Variants in CSMD1 observed in about 807,000 individuals in gnomAD.
CSMD1 encodes the protein CUB and sushi domain-containing protein 1.
Under a neutral mutation model 417.5 loss-of-function variants are expected in CSMD1, and 213 were observed. The observed-to-expected ratio is 0.51, with a 90% CI of 0.46 to 0.57. The LOEUF is 0.57. Ranked by LOEUF, CSMD1 falls within the 20% of genes least tolerant of loss-of-function variation. The pLI, the probability that CSMD1 is intolerant of heterozygous loss-of-function variation, is 0.00. For missense variants in CSMD1, 6,923 were observed against 4,529.7 expected, an observed-to-expected ratio of 1.53 and a Z score of -15.17; for synonymous variants, 2,862 against 1,736.8, an observed-to-expected ratio of 1.65 and a Z score of -16.11.
At position 3,860,162 on chromosome 8, in the gene CSMD1, A is replaced by T. The variant is rs568510551; in HGVS notation, c.819-106120T>A. Among the ~76,000 whole-genome samples the T allele has an allele frequency of 1.1e-4, 17 of 152,240 alleles. No homozygotes were observed. In the East Asian group the frequency reaches 3.1e-3, roughly 28 times the overall value. On this transcript the variant is annotated intron_variant, in intron 5 of 69. Coordinates refer to ENST00000635120, the MANE Select transcript of CSMD1 (RefSeq NM_033225.6). Reference sequence around the variant, plus strand: ...CTAATACATATTAACCCCTCATTTGATAGAGCAGGCAGTAGAAAGTTTGAG... The same window carrying T: ...CTAATACATATTAACCCCTCATTTGTTAGAGCAGGCAGTAGAAAGTTTGAG...
chr8:3,708,547 T>C lies in CSMD1; in HGVS notation c.932-56A>G. The C allele has an allele frequency of 2.7e-6, 4 of 1,463,198 alleles. No homozygotes were observed. The South Asian group carries it at 4.6e-5, about 17-fold the overall frequency. 90.6% of individuals were successfully genotyped at this position (1,463,198 alleles called of 1,614,324 possible). The stretch of plus-strand genomic sequence containing the variant: ...GTAAGACTTGGAGATCATAAAACCA[T>C]GTTGTATCCACACAGCACTTCCAGT... On this transcript the variant is annotated intron_variant, in intron 6 of 69. Coordinates refer to ENST00000635120, the MANE Select transcript of CSMD1 (RefSeq NM_033225.6).
chr8:4,199,577 G>C (rs7828679), intron 3 of CSMD1, among the ~76,000 whole-genome samples: 4,495 of 152,226 alleles, frequency 0.03, 230 homozygotes, highest in African/African-American at 0.1. Context: ...CCGGACAACA[G>C]ACAAACCAAT....
chr8:3,264,084 G>A (rs1253734325), intron 26 of CSMD1, among the ~76,000 whole-genome samples: 5 of 152,030 alleles, frequency 3.3e-5, no homozygotes, highest in East Asian at 1.9e-4. Context: ...ATTTCCCAGA[G>A]ATCCTTTTCT....
chr8:4,308,952 A>C (rs542324324), intron 3 of CSMD1, among the ~76,000 whole-genome samples: 1 of 152,170 alleles, frequency 6.6e-6, no homozygotes, highest in Non-Finnish European at 1.5e-5. Context: ...ACTCTCAAAT[A>C]CTCCCTGTAA....
intron 1 of CSMD1, among the ~76,000 whole-genome samples, chr8:4,913,319 G>A (rs1369041037): frequency 1.3e-5 from 2 of 152,142 alleles, no homozygotes; most frequent in African/African-American, 2.4e-5. Context: ...ATAATTACTT[G>A]CAATAATTGT....
rs535445112 is a variant in CSMD1, at chr8:4,639,407, G to T, written c.86-1849C>A. ...GCTCTCATAAACACACTCTGCTCAT[G>T]TACCCTGTAAATATTACTATCCTGT... On this transcript the variant is annotated intron_variant, in intron 1 of 69. Transcript: ENST00000635120. Among the ~76,000 whole-genome samples the T allele has an allele frequency of 5.3e-5, 8 of 152,184 alleles. No individual in the cohort carries two copies. In the South Asian group the frequency reaches 1.7e-3, roughly 32 times the overall value.
intron 36 of CSMD1, among the ~76,000 whole-genome samples, chr8:3,186,989 A>G (rs1821804871): frequency 6.6e-6 from 1 of 152,172 alleles, no homozygotes; most frequent in Non-Finnish European, 1.5e-5. Flanking sequence ...TGATCCGCCC[A>G]CCTCAGCCTC....
intron 7 of CSMD1, among the ~76,000 whole-genome samples, chr8:3,636,789 T>C (rs1584998210): frequency 6.6e-6 from 1 of 152,322 alleles, no homozygotes; most frequent in African/African-American, 2.4e-5. Context: ...TTCCACACTT[T>C]GAGTTTCATA....
chr8:4,787,123 T>C (rs777652426), intron 1 of CSMD1, among the ~76,000 whole-genome samples: 26 of 152,198 alleles, frequency 1.7e-4, no homozygotes, highest in Non-Finnish European at 3.7e-4. Flanking sequence ...GCTCAACTTT[T>C]AGAGGGAAAC....
intron 5 of CSMD1, among the ~76,000 whole-genome samples, chr8:3,779,218 A>T (rs553317909): frequency 6.6e-6 from 1 of 151,234 alleles, no homozygotes; most frequent in South Asian, 2.1e-4. Context: ...ATAAGACAGA[A>T]CTCACTGTAT....
At chr8:3,738,844 C>T (rs139992707) in intron 6 of CSMD1, among the ~76,000 whole-genome samples, 1,561 of 152,252 alleles carry the variant, frequency 0.01, 7 homozygotes, top group African/African-American at 0.02. Context: ...CTAAAATAGG[C>T]ATCAATAAAT....
chr8:4,379,923 C>T (rs1030216534), intron 3 of CSMD1, among the ~76,000 whole-genome samples: 10 of 152,168 alleles, frequency 6.6e-5, no homozygotes, highest in African/African-American at 1.9e-4. Flanking sequence ...ACTCCATGAG[C>T]GCGGCCAGCA....
Position 3,096,911 on chromosome 8 carries a change from A to G in CSMD1, c.7076T>C (p.Ile2359Thr). The change falls in exon 47 of 70, where the codon ATT becomes ACT. Residue 2359 changes from isoleucine (I) to threonine (T), a missense_variant. By Grantham distance (89) the Ile-to-Thr change is moderately conservative (BLOSUM62 -1). Transcript: ENST00000635120. The part of the protein sequence containing the change: ...WSIKVEPNYN[I>T]TIFVDTFQSE... ...TTGAAATGTGTCCACAAAGATGGTA[A>G]TGTTGTAGTTTGGTTCCACTTTAAT... 1 of 1,557,344 alleles carries G rather than the reference A, an allele frequency of 6.4e-7. No homozygotes were observed. Among genetic ancestry groups the G allele is most frequent in the Non-Finnish European group, 8.7e-7 (1 of 1,149,264 alleles).
At chr8:4,160,201 T>C (rs993776731) in intron 3 of CSMD1, among the ~76,000 whole-genome samples, 2 of 152,178 alleles carry the variant, frequency 1.3e-5, no homozygotes, top group African/African-American at 4.8e-5. Flanking sequence ...TTGTCTTTTA[T>C]ATAGCAAAAA....
intron 10 of CSMD1, among the ~76,000 whole-genome samples, chr8:3,509,282 A>C (rs1445300537): frequency 6.6e-6 from 1 of 152,066 alleles, no homozygotes; most frequent in Non-Finnish European, 1.5e-5. Context: ...ACAATGACTA[A>C]AAAATATATT....
intron 3 of CSMD1, among the ~76,000 whole-genome samples, chr8:4,256,547 C>T (rs1803466529): frequency 6.6e-6 from 1 of 152,102 alleles, no homozygotes; most frequent in Admixed American, 6.5e-5. Context: ...AATGACATCA[C>T]CATTTACTTT....
At chr8:4,529,976 G>A (rs143432325) in intron 2 of CSMD1, among the ~76,000 whole-genome samples, 5,903 of 151,748 alleles carry the variant, frequency 0.039, 155 homozygotes, top group Non-Finnish European at 0.061. Context: ...GTGCAGTGGC[G>A]AGATCCCGGC....
chr8:4,443,630 G>T (rs189793993), intron 2 of CSMD1, among the ~76,000 whole-genome samples: 6 of 152,184 alleles, frequency 3.9e-5, no homozygotes, highest in African/African-American at 1.4e-4. Flanking sequence ...GAATGTACTG[G>T]AACAGCCATG....
At chr8:4,118,928 C>T (rs964686583) in intron 3 of CSMD1, among the ~76,000 whole-genome samples, 1 of 152,284 alleles carries the variant, frequency 6.6e-6, no homozygotes, top group South Asian at 2.1e-4. Flanking sequence ...AGGATGAGTT[C>T]ATTTCCTTTG....
Sources: allele counts gnomAD v4.1 joint callset (sites outside exome capture counted in the v4.1 genomes callset), GRCh38; gene constraint gnomAD v4.1.1; transcripts MANE v1.5; gene names NCBI Gene and HGNC (gene_info 2026-07-23, HGNC 2026-07-21).